Variants in PHF8 observed in about 807,000 individuals in gnomAD.
The protein encoded by PHF8 is histone lysine demethylase PHF8.
PHF8 carries 9 observed loss-of-function variants against 74.4 expected under a neutral mutation model. That is an observed-to-expected ratio of 0.12 (90% CI 0.07 to 0.21). The LOEUF (loss-of-function observed/expected upper bound fraction) is 0.21. PHF8 is among the 10% of genes least tolerant of loss of function. The pLI is 1.00. For synonymous variants in PHF8, 311 were observed against 316.6 expected, an observed-to-expected ratio of 0.98 and a Z score of 0.19; for missense variants, 478 against 816.6, an observed-to-expected ratio of 0.59 and a Z score of 5.05.
At chrX:53,972,731 T>C (rs1357447428) in intron 18 of PHF8, among the ~76,000 whole-genome samples, 2 of 111,448 alleles carry the variant, frequency 1.8e-5, no homozygotes, top group East Asian at 5.6e-4. Context: ...CCTTGAAAAC[T>C]GGCACAAGAC....
chrX:54,025,693 C>T (rs915675593), intron 2 of PHF8, among the ~76,000 whole-genome samples: 21 of 111,611 alleles, frequency 1.9e-4, no homozygotes, highest in Non-Finnish European at 3.4e-4. Context: ...ATCCCCCAGA[C>T]CCTGTCAACA....
At position 54,042,788 on chromosome X, in the gene PHF8, G is replaced by T. The variant is rs1557116325; in HGVS notation, c.-60C>A. On this transcript the variant is annotated 5_prime_UTR_variant, in exon 2 of 22. Coordinates refer to ENST00000338154, the MANE Select transcript of PHF8 (RefSeq NM_015107.3). ...AGGTTCGTCGTGTCAAGAGGGGCGGGAGGCGGCAGCACGCGTCCTCTCTGG... is the reference window on the plus strand; with the variant it reads ...AGGTTCGTCGTGTCAAGAGGGGCGGTAGGCGGCAGCACGCGTCCTCTCTGG... The T allele has an allele frequency of 2.5e-6, 3 of 1,178,647 alleles. No individual in the cohort carries two copies. In the East Asian group the frequency reaches 9.3e-5, roughly 36 times the overall value.
At chrX:53,989,665 T>G (rs1181734346) in intron 14 of PHF8, among the ~76,000 whole-genome samples, 2 of 112,281 alleles carry the variant, frequency 1.8e-5, no homozygotes, top group African/African-American at 6.5e-5. Flanking sequence ...GAAAAAAACC[T>G]CATAAACAGT....
At position 53,993,704 on chromosome X, in the gene PHF8, C is replaced by T. The variant is rs1557102022; in HGVS notation, c.1523G>A (p.Gly508Asp). The change falls in exon 13 of 22, where the codon GGC (glycine) becomes GAC (aspartate). Residue 508 changes from glycine to aspartate, a missense_variant. Around this residue, in one of 9 missense-constraint regions of PHF8, gnomAD observed 153 missense variants for 164.8 expected, o/e 0.93. Coordinates refer to ENST00000338154, the MANE Select transcript of PHF8 (RefSeq NM_015107.3). The part of the protein sequence containing the change: ...KELFKKAERK[G>D]KESSALGPAG... Reference sequence around the variant, plus strand: ...AGGCCCCAAGGCTGAACTCTCCTTGCCCTTTCGCTCTGCCTTCTTGAAGAG... The same window carrying T: ...AGGCCCCAAGGCTGAACTCTCCTTGTCCTTTCGCTCTGCCTTCTTGAAGAG... The T allele has an allele frequency of 4.1e-6, 5 of 1,209,922 alleles. No homozygotes were observed. The highest frequency in any genetic ancestry group is 3.0e-5 in the East Asian group (1 of 33,853).
intron 14 of PHF8, 82 bp from the exon 15 acceptor site, chrX:53,988,026 T>A: frequency 1.3e-6 from 1 of 742,306 alleles, no homozygotes; most frequent in Non-Finnish European, 2.1e-6. Flanking sequence ...TACATTGACC[T>A]ACAGATTCAA....
At chrX:54,006,040 G>A (rs781971498) in intron 8 of PHF8, among the ~76,000 whole-genome samples, 9 of 112,116 alleles carry the variant, frequency 8.0e-5, no homozygotes, top group African/African-American at 1.3e-4. Flanking sequence ...CTCAACATAC[G>A]CAGAGGATAG....
intron 17 of PHF8, 77 bp from the exon 18 acceptor site, chrX:53,985,304 G>A (rs2065544694): frequency 1.2e-6 from 1 of 803,782 alleles, no homozygotes; most frequent in Non-Finnish European, 1.8e-6. Context: ...AATACTCAGG[G>A]AGGAGGGATG....
In PHF8 at chrX:53,987,932, C is replaced by T. The variant is rs782775069; in HGVS notation, c.1743G>A (p.Val581=). 8.3e-7 allele frequency: 1 copy of T among 1,205,724 alleles called. No homozygotes were observed. Among genetic ancestry groups the T allele is most frequent in the South Asian group, 1.8e-5 (1 of 56,813 alleles). Residue 581 remains valine (V), a synonymous_variant, in exon 15 of 22, where the codon GTG becomes GTA. Coordinates refer to ENST00000338154, the MANE Select transcript of PHF8 (RefSeq NM_015107.3). ...LLMSNGSTKR[V]KSLSKSRRTK... is the part of the protein sequence containing the mutation. Reference sequence around the variant, plus strand: ...TTCGCCGAGATTTGGATAAACTCTTCACCCTTTTCGTACTGAAGGGAAGGA... The same window carrying T: ...TTCGCCGAGATTTGGATAAACTCTTTACCCTTTTCGTACTGAAGGGAAGGA...
rs782343740 is a variant in PHF8, at chrX:54,030,762, G to C, written c.99-7919C>G. Among the ~76,000 whole-genome samples the C allele has an allele frequency of 1.6e-3, 179 of 112,017 alleles. 3 individuals carry two copies. The highest frequency in any genetic ancestry group is 3.0e-3 in the South Asian group (8 of 2,703). ...CACAGACATTAAACACAGAAGCAGA[G>C]GTTTAAAGTACAGGCTTAGGAGCCA... On this transcript the variant is annotated intron_variant, in intron 2 of 21. Transcript: ENST00000338154.
At chrX:53,986,096 C>T (rs1026327963) in intron 16 of PHF8, 147 bp from the exon 17 acceptor site, 1 of 578,511 alleles carries the variant, frequency 1.7e-6, no homozygotes, top group South Asian at 2.5e-5. Flanking sequence ...ATTCTTTTAT[C>T]TTAATTTCCA....
intron 18 of PHF8, among the ~76,000 whole-genome samples, chrX:53,978,290 A>G (rs1490941309): frequency 9.0e-6 from 1 of 110,782 alleles, no homozygotes; most frequent in Non-Finnish European, 1.9e-5. Flanking sequence ...CATACCGCCC[A>G]GGAATCCCAT....
chrX:54,022,648 G>A, intron 3 of PHF8, 110 bp downstream of exon 3: 2 of 543,367 alleles, frequency 3.7e-6, no homozygotes, highest in Non-Finnish European at 6.5e-6. Context: ...GCTATTTCCT[G>A]AGGAAGAAGA....
chrX:54,021,454 A>AT (rs1156928686), intron 4 of PHF8, among the ~76,000 whole-genome samples: 2,276 of 41,911 alleles, frequency 0.054, 391 homozygotes, highest in East Asian at 0.23. Flanking sequence ...AGTTGCAATT[A>AT]TTTTTTTTTT....
intron 19 of PHF8, among the ~76,000 whole-genome samples, chrX:53,948,144 G>GA (rs1169805591): frequency 2.7e-5 from 3 of 111,758 alleles, no homozygotes; most frequent in Non-Finnish European, 5.6e-5. Context: ...TTTTGGGAGG[G>GA]AAAAAAACCT....
At chrX:53,961,876 T>G (rs1325145425) in intron 19 of PHF8, among the ~76,000 whole-genome samples, 1 of 111,738 alleles carries the variant, frequency 8.9e-6, no homozygotes, top group Non-Finnish European at 1.9e-5. Flanking sequence ...TACTTTGCGA[T>G]GTGACTTTGC....
intron 19 of PHF8, among the ~76,000 whole-genome samples, chrX:53,953,992 T>C (rs2064971640): frequency 9.0e-6 from 1 of 111,184 alleles, no homozygotes; most frequent in Non-Finnish European, 1.9e-5. Flanking sequence ...ACAAAAATCA[T>C]TACTAAAGAC....
At chrX:54,013,938 G>A (rs1158407568) in intron 7 of PHF8, among the ~76,000 whole-genome samples, 1 of 111,461 alleles carries the variant, frequency 9.0e-6, no homozygotes, top group Non-Finnish European at 1.9e-5. Context: ...AAAAACGTTT[G>A]ATTCGTCAAA....
chrX:54,022,250 G>A lies in PHF8; in HGVS notation c.293+9C>T. Reference sequence around the variant, plus strand: ...GCATTCACCAGCCACTGGAGGCAGGGTTCCTCACCTGTCAAAAGTCCTACT... The same window carrying A: ...GCATTCACCAGCCACTGGAGGCAGGATTCCTCACCTGTCAAAAGTCCTACT... On this transcript the variant is annotated intron_variant, in intron 4 of 21. Coordinates refer to ENST00000338154, the MANE Select transcript of PHF8 (RefSeq NM_015107.3). The A allele has an allele frequency of 9.4e-7, 1 of 1,066,138 alleles. No individual in the cohort carries two copies. Among genetic ancestry groups the A allele is most frequent in the Non-Finnish European group, 1.3e-6 (1 of 762,545 alleles). The allele number at this position is 1,066,138 out of a possible 1,213,427, so 87.9% of individuals were successfully genotyped here. A position where few individuals can be genotyped will look rare whatever the true frequency, so the allele number is the denominator to read the frequency against.
intron 2 of PHF8, among the ~76,000 whole-genome samples, chrX:54,030,429 C>A (rs1361009668): frequency 9.0e-6 from 1 of 111,551 alleles, no homozygotes; most frequent in African/African-American, 3.3e-5. Flanking sequence ...GATGAGTTAT[C>A]CCCATGGTAT....
Sources: allele counts gnomAD v4.1 joint callset (sites outside exome capture counted in the v4.1 genomes callset), GRCh38; gene constraint gnomAD v4.1.1; regional missense constraint gnomAD v4.1.1; transcripts MANE v1.5; gene names NCBI Gene and HGNC (gene_info 2026-07-23, HGNC 2026-07-21).